The following LHX9 variants were observed in gnomAD, a reference collection of about 807,000 sequenced individuals.
LHX9 encodes LIM/homeobox protein Lhx9.
In LHX9, 9 loss-of-function variants were observed where a neutral mutation model predicts 36.5. The observed-to-expected ratio is 0.25, with a 90% CI of 0.15 to 0.43. The LOEUF (loss-of-function observed/expected upper bound fraction) is 0.43. Ranked by LOEUF, LHX9 falls within the 20% of genes least tolerant of loss-of-function variation. The probability of loss-of-function intolerance (pLI) is 1.00; values close to 1 mark genes in which losing one functional copy is unlikely to be tolerated. For missense variants in LHX9, 464 were observed against 526.4 expected, an observed-to-expected ratio of 0.88 and a Z score of 1.16; for synonymous variants, 211 against 212.1, an observed-to-expected ratio of 0.99 and a Z score of 0.04.
rs945004272 is a variant in LHX9 at position 197,921,815 on chromosome 1, G to A, written c.733+156G>A. 2.0e-5 allele frequency among the ~76,000 whole-genome samples: 3 copies of A among 152,230 alleles called. No homozygotes were observed. The highest frequency in any genetic ancestry group is 7.2e-5 in the African/African-American group (3 of 41,464). The stretch of plus-strand genomic sequence containing the variant: ...CTCTCACTCTGAAGGAAGGGAGAGA[G>A]GGAGGAGGAGGGGGGAAGGGAGGGA... On this transcript the variant is annotated intron_variant, in intron 3 of 4. Coordinates refer to ENST00000367387, the MANE Select transcript of LHX9 (RefSeq NM_020204.3). The surrounding 1 kb of genome is among the most constrained non-coding windows in gnomAD (Gnocchi z 4.6).
At chr1:197,915,911 C>G (rs1659734743), upstream of LHX9, 1 of 152,204 alleles carries the variant, frequency 6.6e-6, no homozygotes, top group African/African-American at 2.4e-5. Context: ...CGTCATCTTT[C>G]TAGCTTTGGC....
At position 197,917,695 on chromosome 1, in the gene LHX9, C is replaced by T; in HGVS notation, c.-129C>T. 3 of 1,578,420 alleles carry T rather than the reference C, an allele frequency of 1.9e-6. No individual in the cohort carries two copies. The highest frequency in any genetic ancestry group is 2.6e-6 in the Non-Finnish European group (3 of 1,167,506). On this transcript the variant is annotated 5_prime_UTR_variant, in exon 1 of 5. Transcript: ENST00000367387. ...CCAAGCAGACCGATTTCCACTCCAT[C>T]TGTTTCTTCTCCTCCTTTCTCTCCC...
In LHX9 at chr1:197,931,038, C is replaced by G. The variant is rs1171065543; in HGVS notation, c.*1779C>G. The G allele has an allele frequency of 6.6e-6, 1 of 151,920 alleles. No individual in the cohort carries two copies. Among genetic ancestry groups the G allele is most frequent in the Non-Finnish European group, 1.5e-5 (1 of 67,844 alleles). 9.4% of individuals were successfully genotyped at this position (151,920 alleles called of 1,614,324 possible). ...GAACAATATATGGTACTATATAGAT[C>G]TACTTTATTAAGTAGACTAATTATA... On this transcript the variant is annotated 3_prime_UTR_variant, in exon 5 of 5. Coordinates refer to ENST00000367387, the MANE Select transcript of LHX9 (RefSeq NM_020204.3).
chr1:197,916,542 A>C (rs1659761920), upstream of LHX9: 2 of 624,960 alleles, frequency 3.2e-6, no homozygotes, highest in African/African-American at 3.7e-5. Context: ...ACCTTCCTTC[A>C]AACCTGAACC....
chr1:197,928,440 G>A (rs997380805), intron 4 of LHX9, among the ~76,000 whole-genome samples: 3 of 152,180 alleles, frequency 2.0e-5, no homozygotes, highest in Non-Finnish European at 4.4e-5. Context: ...ACTTCTTGGT[G>A]ACAAATAGCA....
In LHX9 at chr1:197,929,973, C is replaced by T; in HGVS notation, c.*714C>T. On this transcript the variant is annotated 3_prime_UTR_variant, in exon 5 of 5. Transcript: ENST00000367387. Reference sequence around the variant, plus strand: ...TTTCAACATTTGAAAAATACTTAAGCTCCCTATGTATCCATGAAAATTCCG... The same window carrying T: ...TTTCAACATTTGAAAAATACTTAAGTTCCCTATGTATCCATGAAAATTCCG... The T allele has an allele frequency of 5.1e-6, 5 of 984,592 alleles. No homozygotes were observed. The highest frequency in any genetic ancestry group is 6.0e-6 in the Non-Finnish European group (5 of 829,090). 61.0% of individuals were successfully genotyped at this position (984,592 alleles called of 1,614,324 possible).
chr1:197,916,494 A>G, upstream of LHX9: 1 of 590,934 alleles, frequency 1.7e-6, no homozygotes, highest in South Asian at 2.1e-5. Flanking sequence ...CGCTTCCTAT[A>G]TTGGCAAGCT....
Position 197,920,104 on chromosome 1 carries a change from C to G in LHX9, c.307C>G (p.Leu103Val). The change falls in exon 2 of 5, where the codon CTG becomes GTG. Residue 103 changes from leucine to valine, a missense_variant. Physicochemically the swap from Leu to Val is conservative, Grantham distance 32. This residue lies in a region of LHX9 where 93 missense variants were observed against 150.3 expected (regional missense o/e 0.62). Coordinates refer to ENST00000367387, the MANE Select transcript of LHX9 (RefSeq NM_020204.3). ...LRCLKCCECK[L>V]ALESELTCFA... The stretch of plus-strand genomic sequence containing the variant: ...ATGCCTGAAGTGCTGTGAATGTAAG[C>G]TGGCCCTCGAGTCCGAGCTCACCTG... 6.2e-7 allele frequency: 1 copy of G among 1,614,232 alleles called. No individual in the cohort carries two copies. The highest frequency in any genetic ancestry group is 8.5e-7 in the Non-Finnish European group (1 of 1,180,030).
rs1312920095 is a variant in LHX9 at position 197,929,874 on chromosome 1, T to A, written c.*615T>A. The stretch of plus-strand genomic sequence containing the variant: ...TAGTAATGATTAATTAGGTGAGAAA[T>A]CTATTACAGGAATGTGACTTTTCCT... On this transcript the variant is annotated 3_prime_UTR_variant, in exon 5 of 5. Coordinates refer to ENST00000367387, the MANE Select transcript of LHX9 (RefSeq NM_020204.3). 5.2e-6 allele frequency: 5 copies of A among 960,560 alleles called. No individual in the cohort carries two copies. In the South Asian group the frequency reaches 2.4e-4, roughly 46 times the overall value. The allele number at this position is 960,560 out of a possible 1,614,324, so 59.5% of individuals were successfully genotyped here. A position where few individuals can be genotyped will look rare whatever the true frequency, so the allele number is the denominator to read the frequency against.
At chr1:197,920,315 G>C in intron 2 of LHX9, 141 bp downstream of exon 2, 2 of 426,212 alleles carry the variant, frequency 4.7e-6, no homozygotes, top group South Asian at 3.7e-5. Context: ...CAAACCCACT[G>C]CATATGCCTT....
chr1:197,926,542 G>C (rs1167995349), intron 3 of LHX9, among the ~76,000 whole-genome samples: 2 of 152,196 alleles, frequency 1.3e-5, no homozygotes, highest in Non-Finnish European at 2.9e-5. Context: ...CCCTTTAAAA[G>C]TGTAGCTTTA....
intron 3 of LHX9, among the ~76,000 whole-genome samples, chr1:197,924,859 G>C (rs1258764594): frequency 7.9e-5 from 12 of 152,190 alleles, no homozygotes; most frequent in Non-Finnish European, 1.8e-4. Flanking sequence ...TGAACTGACA[G>C]GTAGATATTT....
rs957273050 is a variant in LHX9 at position 197,935,449 on chromosome 1, A to G, written c.*6190A>G. ...GAGTAATTGGATACCTTTTATGGTT[A>G]TTTGAAAATAAAATTTGCTACAAAT... On this transcript the variant is annotated 3_prime_UTR_variant, in exon 5 of 5. Coordinates refer to ENST00000367387, the MANE Select transcript of LHX9 (RefSeq NM_020204.3). 8 of 152,182 alleles carry G rather than the reference A, an allele frequency of 5.3e-5. No individual in the cohort carries two copies. Among genetic ancestry groups the G allele is most frequent in the African/African-American group, 1.7e-4 (7 of 41,460 alleles). The allele number at this position is 152,182 out of a possible 1,614,324, so 9.4% of individuals were successfully genotyped here.
intron 3 of LHX9, among the ~76,000 whole-genome samples, chr1:197,922,688 C>T (rs1381298932): frequency 1.3e-5 from 2 of 152,190 alleles, no homozygotes; most frequent in African/African-American, 4.8e-5. Context: ...GCTTTCAGTG[C>T]CCTGGCCCAC....
chr1:197,919,515 G>A (rs1254032169), intron 1 of LHX9, among the ~76,000 whole-genome samples: 1 of 152,214 alleles, frequency 6.6e-6, no homozygotes, highest in Non-Finnish European at 1.5e-5. Flanking sequence ...CTGCTTATAA[G>A]AATTTAGAGA....
chr1:197,924,174 T>TA (rs1281568376), intron 3 of LHX9, among the ~76,000 whole-genome samples: 3 of 152,180 alleles, frequency 2.0e-5, no homozygotes, highest in African/African-American at 4.8e-5. Flanking sequence ...CGTTAAAATG[T>TA]AAAAAAATAA....
chr1:197,933,256 CATTA>C lies in LHX9; in HGVS notation c.*3999_*4002del, dbSNP rs1463772361. 6 of 151,984 alleles carry C rather than the reference CATTA, an allele frequency of 3.9e-5. No individual in the cohort carries two copies. The highest frequency in any genetic ancestry group is 3.9e-4 in the Admixed American group (6 of 15,254). 9.4% of individuals were successfully genotyped at this position (151,984 alleles called of 1,614,324 possible). A position where few individuals can be genotyped will look rare whatever the true frequency, so the allele number is the denominator to read the frequency against. On this transcript the variant is annotated 3_prime_UTR_variant, in exon 5 of 5. Coordinates refer to ENST00000367387, the MANE Select transcript of LHX9 (RefSeq NM_020204.3). ...TGATGTAACTTTTATGAATGACAGA[CATTA>C]AATATTTCACTTACATGTATTCTCA... is the stretch of plus-strand genomic sequence containing the variant.
At chr1:197,916,140 C>G (rs970101493), upstream of LHX9, 1 of 152,794 alleles carries the variant, frequency 6.5e-6, no homozygotes, top group East Asian at 1.9e-4. Context: ...CCTGCCGCAG[C>G]GCTGTGCTTC....
rs1464067000 is a variant in LHX9 at position 197,918,568 on chromosome 1, A to G, written c.174+571A>G. 3 of 584,208 alleles carry G rather than the reference A, an allele frequency of 5.1e-6. No individual in the cohort carries two copies. The East Asian group carries it at 8.4e-5, about 16-fold the overall frequency. The allele number at this position is 584,208 out of a possible 1,614,324, so 36.2% of individuals were successfully genotyped here. On this transcript the variant is annotated intron_variant, in intron 1 of 4. Coordinates refer to ENST00000367387, the MANE Select transcript of LHX9 (RefSeq NM_020204.3). ...ATCCCGACTCAGTCCCTCTAAGGAGACAGCACTACGTTTAGCGCCAGGACC... is the reference window on the plus strand; with the variant it reads ...ATCCCGACTCAGTCCCTCTAAGGAGGCAGCACTACGTTTAGCGCCAGGACC...
Sources: gnomAD v4.1 joint callset for allele counts (sites outside exome capture counted in the v4.1 genomes callset) on GRCh38, gnomAD v4.1.1 for gene constraint, gnomAD v4.1.1 regional missense constraint, Gnocchi (gnomAD v3.1) non-coding constraint, MANE v1.5 for transcripts, NCBI Gene and HGNC (gene_info 2026-07-23, HGNC 2026-07-21) for gene names.